Variants in YWHAZ observed in about 807,000 individuals in gnomAD.
YWHAZ encodes tyrosine 3-monooxygenase/tryptophan 5-monooxygenase activation protein zeta.
For synonymous variants in YWHAZ, 87 were observed against 103.6 expected, an observed-to-expected ratio of 0.84 and a Z score of 0.97; for missense variants, 79 against 284.8, an observed-to-expected ratio of 0.28 and a Z score of 5.20.
chr8:100,951,074 A>C (rs563042804), intron 1 of YWHAZ: 2 of 810,328 alleles, frequency 2.5e-6, no homozygotes, highest in East Asian at 1.3e-4. Context: ...AGGAGCAAAA[A>C]AAGTCAGACC....
At position 100,924,691 on chromosome 8, in the gene YWHAZ, A is replaced by C. The variant is rs1310509611; in HGVS notation, c.418+225T>G. ...GCTCAGGCTGGTCACTTTTCTTAAA[A>C]TCTTGAAAAAACATCCCTGTACACA... On this transcript the variant is annotated intron_variant, in intron 3 of 5. Coordinates refer to ENST00000395958, the MANE Select transcript of YWHAZ (RefSeq NM_145690.3). The surrounding 1 kb of genome is among the most constrained non-coding windows in gnomAD (Gnocchi z 5.7). Among the ~76,000 whole-genome samples, 1 of 152,180 alleles carries C rather than the reference A, an allele frequency of 6.6e-6. No individual in the cohort carries two copies. The highest frequency in any genetic ancestry group is 2.4e-5 in the African/African-American group (1 of 41,442).
At chr8:100,930,255 C>T (rs567219926) in intron 2 of YWHAZ, among the ~76,000 whole-genome samples, 1 of 152,322 alleles carries the variant, frequency 6.6e-6, no homozygotes, top group East Asian at 1.9e-4. Flanking sequence ...CATGCCATCA[C>T]ACCCAGCTAA....
At chr8:100,943,435 T>C (rs761011595) in intron 2 of YWHAZ, among the ~76,000 whole-genome samples, 3 of 152,204 alleles carry the variant, frequency 2.0e-5, no homozygotes, top group Non-Finnish European at 4.4e-5. Context: ...ACATTCAATA[T>C]AAATATGCCA....
rs1365363889 is a variant in YWHAZ, at chr8:100,952,006, G to A, written c.-89C>T. The A allele has an allele frequency of 2.9e-5, 29 of 999,648 alleles. No homozygotes were observed. Among genetic ancestry groups the A allele is most frequent in the Non-Finnish European group, 3.3e-5 (28 of 839,640 alleles). 61.9% of individuals were successfully genotyped at this position (999,648 alleles called of 1,614,324 possible). A position where few individuals can be genotyped will look rare whatever the true frequency, so the allele number is the denominator to read the frequency against. On this transcript the variant is annotated 5_prime_UTR_variant, in exon 1 of 6. Transcript: ENST00000395958. ...GCGGCGGCGGCGGCAGCAGCGGCGA[G>A]GCTGAGACTCTGTCCCTGGATCTCG...
chr8:100,949,912 C>T (rs1052645104), intron 1 of YWHAZ, among the ~76,000 whole-genome samples: 6 of 152,168 alleles, frequency 3.9e-5, no homozygotes, highest in Admixed American at 2.0e-4. Flanking sequence ...AGATACTAAT[C>T]CACACAGTGA....
chr8:100,951,101 C>G (rs913091929), intron 1 of YWHAZ: 1 of 950,864 alleles, frequency 1.1e-6, no homozygotes, highest in South Asian at 4.8e-5. Flanking sequence ...CCACCCCCAC[C>G]AGGAAAATTC....
chr8:100,945,619 TTAA>T (rs1810211714), intron 2 of YWHAZ, among the ~76,000 whole-genome samples: 1 of 152,130 alleles, frequency 6.6e-6, no homozygotes, highest in African/African-American at 2.4e-5. Flanking sequence ...TTACTAATCA[TTAA>T]TAATGATTCA....
rs3134377 is a variant in YWHAZ, at chr8:100,922,207, T to C, written c.679-1455A>G. On this transcript the variant is annotated intron_variant, in intron 5 of 5. Transcript: ENST00000395958. This position sits in a 1 kb window ranked among gnomAD's most constrained non-coding sequence, Gnocchi z 4.1. ...ATACAAAATATTTCTTTTTCTAGAG[T>C]AATGTGTTGACAGTCTTGGTCAACC... 0.19 allele frequency among the ~76,000 whole-genome samples: 28,832 copies of C among 152,174 alleles called. 3,382 individuals are homozygous for C. The highest frequency in any genetic ancestry group is 0.48 in the East Asian group (2,506 of 5,182).
intron 2 of YWHAZ, among the ~76,000 whole-genome samples, chr8:100,939,977 C>A (rs979266403): frequency 2.0e-5 from 3 of 151,028 alleles, no homozygotes; most frequent in African/African-American, 7.3e-5. Context: ...GAGCCGAGAT[C>A]GCGCCACTGC....
At chr8:100,925,061 C>T (rs1342883462) in intron 2 of YWHAZ, 22 bp from the exon 3 acceptor site, 3 of 1,596,596 alleles carry the variant, frequency 1.9e-6, no homozygotes, top group South Asian at 1.1e-5. Context: ...AAGAAACAGA[C>T]ATAGTGAGAA....
intron 2 of YWHAZ, among the ~76,000 whole-genome samples, chr8:100,946,885 C>CAAA (rs145007143): frequency 0.016 from 1,142 of 73,066 alleles, 16 homozygotes; most frequent in African/African-American, 0.052. Flanking sequence ...GTAAGGTGAG[C>CAAA]AAAAAAAAAA....
At chr8:100,925,426 T>TA (rs1586091012) in intron 2 of YWHAZ, among the ~76,000 whole-genome samples, 1 of 152,146 alleles carries the variant, frequency 6.6e-6, no homozygotes, top group Admixed American at 6.5e-5. Flanking sequence ...AGAAAGAACA[T>TA]ACGGGATGAA....
At chr8:100,944,474 T>A (rs187721267) in intron 2 of YWHAZ, among the ~76,000 whole-genome samples, 1 of 152,214 alleles carries the variant, frequency 6.6e-6, no homozygotes, top group Non-Finnish European at 1.5e-5. Flanking sequence ...CCAACTGTTA[T>A]AAATGTTAGA....
intron 2 of YWHAZ, among the ~76,000 whole-genome samples, chr8:100,944,893 T>C (rs1268503521): frequency 1.3e-5 from 2 of 152,200 alleles, no homozygotes; most frequent in Admixed American, 6.5e-5. Context: ...TAAAACTAGT[T>C]TGACTCAGTA....
At chr8:100,934,262 T>C (rs1813970109) in intron 2 of YWHAZ, among the ~76,000 whole-genome samples, 1 of 148,356 alleles carries the variant, frequency 6.7e-6, no homozygotes, top group Non-Finnish European at 1.5e-5. Context: ...GAGCACAGGA[T>C]GTCATGGCTG....
intron 2 of YWHAZ, among the ~76,000 whole-genome samples, chr8:100,946,915 C>A (rs1328482105): frequency 2.7e-5 from 4 of 148,446 alleles, no homozygotes; most frequent in African/African-American, 7.4e-5. Context: ...AACAAAAAAA[C>A]CCAATACATT....
At chr8:100,952,845 T>C, upstream of YWHAZ, 1 of 1,000,338 alleles carries the variant, frequency 1.0e-6, no homozygotes, top group South Asian at 4.7e-5. Context: ...CCGCCGCGGC[T>C]TTACCTGCTG....
In YWHAZ at chr8:100,942,588, G is replaced by A. The variant is rs575710882; in HGVS notation, c.294+6008C>T. On this transcript the variant is annotated intron_variant, in intron 2 of 5. Transcript: ENST00000395958. ...ATGTTTTCAAGGAGAAAAGAACAGA[G>A]CCAATCTTCTGATGCTGAAAGACAG... Among the ~76,000 whole-genome samples, 42 of 152,168 alleles carry A rather than the reference G, an allele frequency of 2.8e-4. 1 individual carries two copies. The highest frequency in any genetic ancestry group is 5.4e-4 in the Non-Finnish European group (37 of 68,040).
chr8:100,925,078 A>G, intron 2 of YWHAZ, 39 bp from the exon 3 acceptor site: 1 of 1,569,082 alleles, frequency 6.4e-7, no homozygotes, highest in Non-Finnish European at 8.6e-7. Context: ...AGAATAAAAC[A>G]TTTACAAAAC....
Sources: allele counts gnomAD v4.1 joint callset (sites outside exome capture counted in the v4.1 genomes callset), GRCh38; gene constraint gnomAD v4.1.1; non-coding constraint Gnocchi (gnomAD v3.1); transcripts MANE v1.5; gene names NCBI Gene and HGNC (gene_info 2026-07-23, HGNC 2026-07-21).